Variants in ENTREP2 observed in about 807,000 individuals in gnomAD.
ENTREP2 encodes endosomal transmembrane epsin interactor 2.
At chr15:29,473,514 TG>T in the ENTREP2 span, among the ~76,000 whole-genome samples, 17 of 152,204 alleles carry the variant, frequency 1.1e-4, no homozygotes, top group African/African-American at 3.9e-4. Flanking sequence ...AAGTTTTAAG[TG>T]TTATCAAATA....
At chr15:29,598,125 A>C in the ENTREP2 span, among the ~76,000 whole-genome samples, 1 of 151,872 alleles carries the variant, frequency 6.6e-6, no homozygotes, top group East Asian at 1.9e-4. Context: ...CCTGTCTCAA[A>C]AAAAAAAGAA....
the ENTREP2 span, among the ~76,000 whole-genome samples, chr15:29,649,398 G>A: frequency 6.6e-6 from 1 of 152,072 alleles, no homozygotes; most frequent in African/African-American, 2.4e-5. Context: ...ATTTATTTCA[G>A]ACAGAGTATT....
chr15:29,489,650 A>T, the ENTREP2 span, among the ~76,000 whole-genome samples: 1 of 152,232 alleles, frequency 6.6e-6, no homozygotes, highest in Admixed American at 6.5e-5. Context: ...ACAAAATGTC[A>T]TGTCTCTCTG....
chr15:29,281,579 A>G, the ENTREP2 span, among the ~76,000 whole-genome samples: 2 of 152,220 alleles, frequency 1.3e-5, no homozygotes, highest in African/African-American at 4.8e-5. Flanking sequence ...ACATCAACAC[A>G]TCGAAACTGG....
the ENTREP2 span, among the ~76,000 whole-genome samples, chr15:29,270,651 AG>A: frequency 4.7e-5 from 6 of 128,996 alleles, no homozygotes; most frequent in African/African-American, 9.6e-5. Flanking sequence ...ATTAGCTTTG[AG>A]GAAAAAAAAG....
the ENTREP2 span, among the ~76,000 whole-genome samples, chr15:29,271,617 G>A: frequency 2.0e-5 from 3 of 152,128 alleles, no homozygotes; most frequent in Admixed American, 2.0e-4. Flanking sequence ...GAACAGAACT[G>A]CCCTGTTCTG....
chr15:29,313,616 C>T, the ENTREP2 span, among the ~76,000 whole-genome samples: 76 of 152,268 alleles, frequency 5.0e-4, no homozygotes, highest in Non-Finnish European at 1.0e-3. Context: ...AAAAAATATG[C>T]CTTTCAAAGT....
the ENTREP2 span, among the ~76,000 whole-genome samples, chr15:29,292,923 A>C: frequency 2.0e-5 from 3 of 152,376 alleles, no homozygotes; most frequent in Non-Finnish European, 4.4e-5. Flanking sequence ...CCATGAGAAA[A>C]AGATAAAAAT....
At chr15:29,233,189 T>C in the ENTREP2 span, among the ~76,000 whole-genome samples, 1 of 152,212 alleles carries the variant, frequency 6.6e-6, no homozygotes, top group African/African-American at 2.4e-5. Context: ...GAGCTTCTGA[T>C]TGATAGCTTT....
At chr15:29,240,952 A>G in the ENTREP2 span, among the ~76,000 whole-genome samples, 1 of 152,222 alleles carries the variant, frequency 6.6e-6, no homozygotes, top group Non-Finnish European at 1.5e-5. Flanking sequence ...TTTGTATAAA[A>G]ATATCAAAGA....
chr15:29,178,235 CG>C, the ENTREP2 span, among the ~76,000 whole-genome samples: 127 of 148,892 alleles, frequency 8.5e-4, 3 homozygotes, highest in East Asian at 0.021. Context: ...TCAAGGCTGC[CG>C]TGAGCTGTGA....
At chr15:29,429,181 A>ATGTC in the ENTREP2 span, among the ~76,000 whole-genome samples, 1 of 139,150 alleles carries the variant, frequency 7.2e-6, no homozygotes, top group Admixed American at 7.6e-5. Flanking sequence ...CCATCTTGAG[A>ATGTC]TGTCTATCTA....
the ENTREP2 span, among the ~76,000 whole-genome samples, chr15:29,296,930 A>G: frequency 6.6e-6 from 1 of 152,182 alleles, no homozygotes; most frequent in South Asian, 2.1e-4. Context: ...TAGCCTGTGA[A>G]CTAAGAATGA....
At chr15:29,515,285 C>G in the ENTREP2 span, among the ~76,000 whole-genome samples, 7 of 152,262 alleles carry the variant, frequency 4.6e-5, no homozygotes, top group African/African-American at 1.7e-4. Context: ...CAAATATGAA[C>G]AAGATGCACT....
At chr15:29,585,403 A>G in the ENTREP2 span, among the ~76,000 whole-genome samples, 2 of 152,360 alleles carry the variant, frequency 1.3e-5, no homozygotes, top group South Asian at 4.1e-4. Flanking sequence ...AGAGATGCCC[A>G]ACATCATCAG....
chr15:29,218,773 A>C, the ENTREP2 span, among the ~76,000 whole-genome samples: 2 of 152,216 alleles, frequency 1.3e-5, no homozygotes, highest in African/African-American at 4.8e-5. Context: ...ATGTAGGAGA[A>C]TGAAACTGGA....
At chr15:29,429,856 C>T in the ENTREP2 span, among the ~76,000 whole-genome samples, 1 of 152,162 alleles carries the variant, frequency 6.6e-6, no homozygotes, top group African/African-American at 2.4e-5. Flanking sequence ...GGAAGGAGTC[C>T]CAGTTCAAGA....
At chr15:29,269,046 C>T in the ENTREP2 span, 1 of 1,614,164 alleles carries the variant, frequency 6.2e-7, no homozygotes, top group Non-Finnish European at 8.5e-7. Context: ...TAATGAGTTT[C>T]TTTGGATCTC....
the ENTREP2 span, among the ~76,000 whole-genome samples, chr15:29,350,053 A>G: frequency 1.3e-5 from 2 of 152,194 alleles, no homozygotes; most frequent in Non-Finnish European, 2.9e-5. Context: ...AAACACTACC[A>G]ACCAAGCTAT....
Sources: allele counts gnomAD v4.1 joint callset (sites outside exome capture counted in the v4.1 genomes callset), GRCh38; gene constraint gnomAD v4.1.1; transcripts MANE v1.5; gene names NCBI Gene and HGNC (gene_info 2026-07-23, HGNC 2026-07-21).